NUDT9: variants seen among roughly 807,000 people sequenced by gnomAD.
NUDT9 encodes nudix hydrolase 9.
NUDT9 carries 31 observed loss-of-function variants against 41.0 expected under a neutral mutation model. The ratio of observed to expected loss-of-function variants is 0.76; its 90% CI spans 0.57 to 1.02. NUDT9 has a LOEUF of 1.02. NUDT9 is among the 50% of genes least tolerant of loss of function. NUDT9 has a pLI of 0.00. For synonymous variants in NUDT9, 146 were observed against 147.6 expected (o/e 0.99, Z 0.08); for missense variants, 380 against 431.4 (o/e 0.88, Z 1.06).
At chr4:87,447,065 C>G (rs939408263) in intron 4 of NUDT9, among the ~76,000 whole-genome samples, 5 of 152,174 alleles carry the variant, frequency 3.3e-5, no homozygotes, top group African/African-American at 1.2e-4. Context: ...TTAGATGAAT[C>G]TTGTCGTATA....
At chr4:87,448,245 A>G (rs913179807) in intron 4 of NUDT9, among the ~76,000 whole-genome samples, 4 of 148,050 alleles carry the variant, frequency 2.7e-5, no homozygotes, top group Non-Finnish European at 4.4e-5. Context: ...CCTGGGTTCA[A>G]GTGATTCTCC....
intron 1 of NUDT9, among the ~76,000 whole-genome samples, chr4:87,425,451 G>A (rs1721370829): frequency 6.7e-6 from 1 of 148,302 alleles, no homozygotes; most frequent in Non-Finnish European, 1.5e-5. Flanking sequence ...CTGGAGTGCG[G>A]TGGCGTGATC....
intron 4 of NUDT9, 49 bp from the exon 5 acceptor site, chr4:87,449,093 C>A: frequency 9.4e-7 from 1 of 1,059,742 alleles, no homozygotes; most frequent in South Asian, 1.3e-5. Flanking sequence ...TGAGATAGAA[C>A]CTTAGTTTTT....
chr4:87,428,579 GA>G (rs1195981411), intron 1 of NUDT9, among the ~76,000 whole-genome samples: 1 of 152,166 alleles, frequency 6.6e-6, no homozygotes, highest in Admixed American at 6.5e-5. Context: ...ATCAAGCCAT[GA>G]AAAGACATGG....
rs1173360331 is a variant in NUDT9 at position 87,459,221 on chromosome 4, T to C, written c.*1200T>C. ...AAACCAAACACTGCATGTTCTCTTA[T>C]AAGTGAGAGCTAAATGGTGAGAACA... is the stretch of plus-strand genomic sequence containing the variant. On this transcript the variant is annotated 3_prime_UTR_variant, in exon 8 of 8. Transcript: ENST00000302174. 2 of 152,220 alleles carry C rather than the reference T, an allele frequency of 1.3e-5. No homozygotes were observed. The highest frequency in any genetic ancestry group is 2.9e-5 in the Non-Finnish European group (2 of 68,042). 9.4% of individuals were successfully genotyped at this position (152,220 alleles called of 1,614,324 possible). A position where few individuals can be genotyped will look rare whatever the true frequency, so the allele number is the denominator to read the frequency against.
In NUDT9 at chr4:87,450,765, G is replaced by A. The variant is rs139841804; in HGVS notation, c.643-824G>A. Reference sequence around the variant, plus strand: ...AATAATGATTTCATCATAGAATCTTGCATTTTTATTGTTATTTAAAATTCT... The same window carrying A: ...AATAATGATTTCATCATAGAATCTTACATTTTTATTGTTATTTAAAATTCT... On this transcript the variant is annotated intron_variant, in intron 5 of 7. Transcript: ENST00000302174. 5.1e-3 allele frequency among the ~76,000 whole-genome samples: 777 copies of A among 152,152 alleles called. 7 individuals are homozygous for A. Among genetic ancestry groups the A allele is most frequent in the African/African-American group, 0.018 (741 of 41,506 alleles).
intron 2 of NUDT9, 68 bp downstream of exon 2, chr4:87,435,288 G>GT: frequency 6.7e-7 from 1 of 1,493,308 alleles, no homozygotes; most frequent in South Asian, 1.4e-5. Flanking sequence ...TATTTGTAAA[G>GT]TATCTTTTTG....
At chr4:87,425,391 CTTTTTTTTTT>C (rs70957241) in intron 1 of NUDT9, among the ~76,000 whole-genome samples, 3 of 116,740 alleles carry the variant, frequency 2.6e-5, no homozygotes, top group South Asian at 5.6e-4. Context: ...TGTTCTTTTC[CTTTTTTTTTT>C]TTTTTTTTTT....
Position 87,457,833 on chromosome 4 carries a change from TGGCAAC to T in NUDT9, c.875-9_875-4del. ...GTTTTTCTTGGTGATGGTTTTTCTT[TGGCAAC>T]CAGGTGAGATAATGGATAATCTTAT... On this transcript the variant is annotated splice_polypyrimidine_tract_variant and splice_region_variant and intron_variant, in intron 7 of 7. Coordinates refer to ENST00000302174, the MANE Select transcript of NUDT9 (RefSeq NM_024047.5). The T allele has an allele frequency of 6.2e-7, 1 of 1,606,564 alleles. No individual in the cohort carries two copies. The highest frequency in any genetic ancestry group is 1.7e-5 in the Admixed American group (1 of 57,906).
rs1453234594 is a variant in NUDT9, at chr4:87,439,647, C to A, written c.443+1275C>A. Among the ~76,000 whole-genome samples, 5 of 152,014 alleles carry A rather than the reference C, an allele frequency of 3.3e-5. No individual in the cohort carries two copies. The East Asian group carries it at 7.7e-4, about 23-fold the overall frequency. On this transcript the variant is annotated intron_variant, in intron 3 of 7. Coordinates refer to ENST00000302174, the MANE Select transcript of NUDT9 (RefSeq NM_024047.5). ...CTCCAGCCTGGGCAACAGAGTGAGA[C>A]TCCATCTCAAAAAAACAAACAACAA... is the stretch of plus-strand genomic sequence containing the variant.
chr4:87,429,041 G>A (rs569060781), intron 1 of NUDT9, among the ~76,000 whole-genome samples: 4 of 152,270 alleles, frequency 2.6e-5, no homozygotes, highest in Admixed American at 2.0e-4. Flanking sequence ...TGAAACTTGC[G>A]TATGATACCT....
intron 4 of NUDT9, chr4:87,445,593 C>T (rs1722409129): frequency 6.6e-6 from 1 of 152,032 alleles, no homozygotes; most frequent in Non-Finnish European, 1.5e-5. Context: ...AAATTCAGGT[C>T]AAACAATTGA....
At chr4:87,432,720 G>T (rs1279344973) in intron 1 of NUDT9, among the ~76,000 whole-genome samples, 2 of 151,134 alleles carry the variant, frequency 1.3e-5, no homozygotes, top group African/African-American at 4.9e-5. Context: ...TCGTGAAAGG[G>T]TGCTGAATTT....
At chr4:87,444,101 A>G (rs1409136717) in intron 4 of NUDT9, among the ~76,000 whole-genome samples, 1 of 151,904 alleles carries the variant, frequency 6.6e-6, no homozygotes, top group African/African-American at 2.4e-5. Flanking sequence ...TTTAATTTTT[A>G]TTTTTTTACT....
chr4:87,436,530 C>G (rs910691505), intron 2 of NUDT9, among the ~76,000 whole-genome samples: 3 of 151,960 alleles, frequency 2.0e-5, no homozygotes, highest in African/African-American at 7.2e-5. Context: ...AGTCTGGTCT[C>G]GAACTCCTGA....
At chr4:87,448,175 C>A (rs1212506373) in intron 4 of NUDT9, among the ~76,000 whole-genome samples, 1 of 123,366 alleles carries the variant, frequency 8.1e-6, no homozygotes, top group East Asian at 2.7e-4. Context: ...GATGGAGTCT[C>A]ACTCTGTCAT....
At chr4:87,454,839 A>G (rs1044339607) in intron 7 of NUDT9, among the ~76,000 whole-genome samples, 1 of 152,188 alleles carries the variant, frequency 6.6e-6, no homozygotes, top group Non-Finnish European at 1.5e-5. Context: ...ATATCTTACT[A>G]TTTCAAATAT....
chr4:87,423,916 T>C (rs1721275717), intron 1 of NUDT9, among the ~76,000 whole-genome samples: 1 of 152,346 alleles, frequency 6.6e-6, no homozygotes, highest in Non-Finnish European at 1.5e-5. Flanking sequence ...TGCTTCAGGC[T>C]TTGCAGTAGT....
intron 6 of NUDT9, among the ~76,000 whole-genome samples, chr4:87,452,855 A>G (rs1578080592): frequency 8.2e-6 from 1 of 121,742 alleles, no homozygotes; most frequent in South Asian, 2.8e-4. Flanking sequence ...TCTTGTCCCC[A>G]GGCTGGAGTG....
Sources: allele counts gnomAD v4.1 joint callset (sites outside exome capture counted in the v4.1 genomes callset), GRCh38; gene constraint gnomAD v4.1.1; transcripts MANE v1.5; gene names NCBI Gene and HGNC (gene_info 2026-07-23, HGNC 2026-07-21).